The following RIMS1 variants were observed in gnomAD, a reference collection of about 807,000 sequenced individuals.
The protein encoded by RIMS1 is regulating synaptic membrane exocytosis 1.
Under a neutral mutation model 214.1 loss-of-function variants are expected in RIMS1, and 83 were observed. The ratio of observed to expected loss-of-function variants is 0.39; its 90% confidence interval spans 0.32 to 0.47. RIMS1 has a LOEUF of 0.47. RIMS1 is among the 20% of genes least tolerant of loss of function. The pLI is 0.99. For missense variants in RIMS1, 2,050 were observed against 2,161.8 expected (o/e 0.95, Z 1.03); for synonymous variants, 793 against 786.8 (o/e 1.01, Z -0.13).
chr6:72,297,875 T>C (rs1004822078), intron 26 of RIMS1, among the ~76,000 whole-genome samples: 3 of 152,006 alleles, frequency 2.0e-5, no homozygotes, highest in Admixed American at 1.3e-4. Context: ...AAAGGAAAAG[T>C]TCACAGCATA....
At chr6:72,040,120 C>A (rs903160477) in intron 2 of RIMS1, among the ~76,000 whole-genome samples, 3 of 152,006 alleles carry the variant, frequency 2.0e-5, no homozygotes, top group African/African-American at 7.2e-5. Flanking sequence ...CTCTATGATA[C>A]TGGATAGAAG....
At chr6:71,902,673 C>A (rs1248665017) in intron 1 of RIMS1, among the ~76,000 whole-genome samples, 1 of 152,014 alleles carries the variant, frequency 6.6e-6, no homozygotes, top group Non-Finnish European at 1.5e-5. Context: ...CTTCCTGATG[C>A]TCTCCCTCCC....
chr6:72,045,871 G>C (rs1007075720), intron 2 of RIMS1, among the ~76,000 whole-genome samples: 2 of 148,518 alleles, frequency 1.3e-5, no homozygotes, highest in Non-Finnish European at 3.0e-5. Flanking sequence ...TTATTTATTG[G>C]TGTTAAGTTT....
At chr6:72,131,845 G>A (rs1221368212) in intron 4 of RIMS1, among the ~76,000 whole-genome samples, 1 of 152,046 alleles carries the variant, frequency 6.6e-6, no homozygotes, top group Admixed American at 6.6e-5. Flanking sequence ...CACACCCAAG[G>A]GGGCCGTGTA....
At chr6:71,969,273 A>C (rs1583746001) in intron 2 of RIMS1, among the ~76,000 whole-genome samples, 1 of 152,226 alleles carries the variant, frequency 6.6e-6, no homozygotes, top group South Asian at 2.1e-4. Flanking sequence ...TGAAAGGATT[A>C]AACTAGTTGA....
At chr6:72,391,026 A>G (rs945457191) in intron 30 of RIMS1, 16 of 265,548 alleles carry the variant, frequency 6.0e-5, no homozygotes, top group African/African-American at 3.1e-4. Context: ...TTAGTGTACA[A>G]ATGCCACAGG....
Position 72,316,237 on chromosome 6 carries a change from C to CTA in RIMS1, c.4130+2566_4130+2567dup, listed in dbSNP as rs1391784972. On this transcript the variant is annotated intron_variant, in intron 28 of 33. Coordinates refer to ENST00000521978, the MANE Select transcript of RIMS1 (RefSeq NM_014989.7). The stretch of plus-strand genomic sequence containing the variant: ...GAGAGGGCAGGACTTCAGGCTGGAT[C>CTA]TACCATTAGGCTCTCCCTCCCCCAG... Among the ~76,000 whole-genome samples the CTA allele has an allele frequency of 4.6e-5, 7 of 152,170 alleles. No individual in the cohort carries two copies. In the South Asian group the frequency reaches 1.4e-3, roughly 32 times the overall value.
rs1251130655 is a variant in RIMS1, at chr6:72,159,377, G to C, written c.472-20198G>C. ...CACTCTGACGGTAGTTTCTTTTGCT[G>C]TGCAGAAGCTCTTTAGTTAGATCCC... On this transcript the variant is annotated intron_variant, in intron 4 of 33. Transcript: ENST00000521978. Among the ~76,000 whole-genome samples, 3 of 140,440 alleles carry C rather than the reference G, an allele frequency of 2.1e-5. No homozygotes were observed. In the East Asian group the frequency reaches 6.0e-4, roughly 28 times the overall value. 92.1% of individuals were successfully genotyped at this position (140,440 alleles called of 152,430 possible).
chr6:72,143,736 A>G (rs534263726), intron 4 of RIMS1, among the ~76,000 whole-genome samples: 46 of 152,332 alleles, frequency 3.0e-4, no homozygotes, highest in South Asian at 8.3e-4. Flanking sequence ...GCTCCAGACA[A>G]TGCCAAAGAG....
intron 2 of RIMS1, among the ~76,000 whole-genome samples, chr6:71,976,439 T>G (rs1754412654): frequency 1.3e-5 from 2 of 152,108 alleles, no homozygotes; most frequent in South Asian, 4.1e-4. Context: ...AAAATATGTG[T>G]TATTTGTCTT....
intron 2 of RIMS1, among the ~76,000 whole-genome samples, chr6:72,058,586 G>A (rs1378694075): frequency 6.6e-6 from 1 of 152,100 alleles, no homozygotes; most frequent in East Asian, 1.9e-4. Flanking sequence ...TAGAGGAGAG[G>A]GTAGCCCAGA....
At chr6:72,024,315 G>A (rs1815661340) in intron 2 of RIMS1, among the ~76,000 whole-genome samples, 1 of 151,950 alleles carries the variant, frequency 6.6e-6, no homozygotes, top group Non-Finnish European at 1.5e-5. Flanking sequence ...GTTTTCTCTA[G>A]CAAGATGCAC....
chr6:71,917,211 A>G (rs1442813657), intron 1 of RIMS1, among the ~76,000 whole-genome samples: 1 of 152,190 alleles, frequency 6.6e-6, no homozygotes, highest in African/African-American at 2.4e-5. Flanking sequence ...AGGGCTATGT[A>G]AACACTGGCT....
chr6:71,998,675 T>C (rs1804207359), intron 2 of RIMS1, among the ~76,000 whole-genome samples: 1 of 152,210 alleles, frequency 6.6e-6, no homozygotes, highest in Non-Finnish European at 1.5e-5. Context: ...CGATAGTTTT[T>C]AGAGTCTCTT....
At chr6:72,231,559 C>T (rs1007776093) in intron 6 of RIMS1, among the ~76,000 whole-genome samples, 2 of 151,572 alleles carry the variant, frequency 1.3e-5, no homozygotes, top group Admixed American at 6.6e-5. Flanking sequence ...CATTTTATTA[C>T]GGGATACTGT....
At chr6:72,371,245 A>C (rs753674287) in intron 29 of RIMS1, among the ~76,000 whole-genome samples, 1 of 152,108 alleles carries the variant, frequency 6.6e-6, no homozygotes, top group Admixed American at 6.6e-5. Context: ...TATTTCACCT[A>C]TGTGTGACAT....
intron 29 of RIMS1, among the ~76,000 whole-genome samples, chr6:72,371,130 G>A (rs2154401509): frequency 6.6e-6 from 1 of 152,206 alleles, no homozygotes; most frequent in East Asian, 1.9e-4. Context: ...ATCTCTGTGT[G>A]TCTGTGTCTG....
intron 1 of RIMS1, among the ~76,000 whole-genome samples, chr6:71,918,143 T>A (rs1212120367): frequency 6.6e-6 from 1 of 152,078 alleles, no homozygotes; most frequent in African/African-American, 2.4e-5. Context: ...GGAACTTGAA[T>A]TAGATCACCA....
chr6:72,356,623 G>A (rs1221536197), intron 29 of RIMS1, among the ~76,000 whole-genome samples: 1 of 151,976 alleles, frequency 6.6e-6, no homozygotes, highest in Non-Finnish European at 1.5e-5. Context: ...AGCTGGGTGT[G>A]GTGGCAGGTA....
Sources: gnomAD v4.1 joint callset for allele counts (sites outside exome capture counted in the v4.1 genomes callset) on GRCh38, gnomAD v4.1.1 for gene constraint, MANE v1.5 for transcripts, NCBI Gene and HGNC (gene_info 2026-07-23, HGNC 2026-07-21) for gene names.